The following CNTNAP2 variants were observed in gnomAD, a reference collection of about 807,000 sequenced individuals.
CNTNAP2 encodes contactin associated protein 2, also known as contactin-associated protein-like 2.
In CNTNAP2, 98 loss-of-function variants were observed where a neutral mutation model predicts 155.2. The observed-to-expected ratio is 0.63, with a 90% confidence interval of 0.54 to 0.75. The LOEUF (loss-of-function observed/expected upper bound fraction) is 0.75. Among genes scored for constraint, CNTNAP2 ranks in the 30% least tolerant of loss-of-function variants. The probability of loss-of-function intolerance (pLI) is 0.00; values close to 1 mark genes in which losing one functional copy is unlikely to be tolerated. For missense variants in CNTNAP2, 1,727 were observed against 1,688.1 expected, an observed-to-expected ratio of 1.02 and a Z score of -0.40; for synonymous variants, 651 against 631.2, an observed-to-expected ratio of 1.03 and a Z score of -0.47.
chr7:146,661,549 G>GTTTT (rs1800087987), intron 1 of CNTNAP2, among the ~76,000 whole-genome samples: 1 of 138,450 alleles, frequency 7.2e-6, no homozygotes, highest in Non-Finnish European at 1.5e-5. Flanking sequence ...TGCTATTTCT[G>GTTTT]CTTCTTTCAT....
intron 1 of CNTNAP2, among the ~76,000 whole-genome samples, chr7:146,362,448 C>T (rs560982063): frequency 4.6e-5 from 7 of 152,238 alleles, no homozygotes; most frequent in African/African-American, 1.2e-4. Context: ...TAAGAAGACA[C>T]GCTTCATCCC....
intron 22 of CNTNAP2, among the ~76,000 whole-genome samples, chr7:148,392,087 T>G (rs1440455194): frequency 6.6e-6 from 1 of 152,200 alleles, no homozygotes; most frequent in Non-Finnish European, 1.5e-5. Context: ...GTTGTTATTA[T>G]TATTTGAGAT....
chr7:146,954,064 A>G (rs1179993417), intron 3 of CNTNAP2, among the ~76,000 whole-genome samples: 1 of 151,854 alleles, frequency 6.6e-6, no homozygotes, highest in Non-Finnish European at 1.5e-5. Flanking sequence ...CTCTTATTTC[A>G]TTTGTTTTTC....
At chr7:147,721,005 A>G (rs1348048822) in intron 13 of CNTNAP2, among the ~76,000 whole-genome samples, 2 of 152,116 alleles carry the variant, frequency 1.3e-5, no homozygotes, top group Admixed American at 6.6e-5. Context: ...TAATTAATTA[A>G]CACATTAATT....
chr7:146,684,656 A>AAAAAAAAAAAAAAAC (rs1800564048), intron 1 of CNTNAP2, among the ~76,000 whole-genome samples: 1 of 151,294 alleles, frequency 6.6e-6, no homozygotes, highest in Non-Finnish European at 1.5e-5. Context: ...AAAAAAAAAA[A>AAAAAAAAAAAAAAAC]AAAGCTGGAG....
intron 12 of CNTNAP2, among the ~76,000 whole-genome samples, chr7:147,618,230 A>C (rs1370142807): frequency 6.6e-6 from 1 of 152,232 alleles, no homozygotes; most frequent in African/African-American, 2.4e-5. Context: ...TGAGACCTGC[A>C]CTAGAAAGAT....
chr7:147,090,946 A>T (rs900822110), intron 4 of CNTNAP2, among the ~76,000 whole-genome samples: 4 of 152,146 alleles, frequency 2.6e-5, no homozygotes, highest in Non-Finnish European at 5.9e-5. Flanking sequence ...GAATTCTTCC[A>T]TTTAGGATCT....
chr7:146,440,100 G>C (rs1584926572), intron 1 of CNTNAP2, among the ~76,000 whole-genome samples: 1 of 151,472 alleles, frequency 6.6e-6, no homozygotes, highest in Non-Finnish European at 1.5e-5. Flanking sequence ...CTGCCCTGTG[G>C]GCAACAGAGA....
chr7:146,493,346 A>G (rs1797167592), intron 1 of CNTNAP2, among the ~76,000 whole-genome samples: 1 of 152,176 alleles, frequency 6.6e-6, no homozygotes, highest in Non-Finnish European at 1.5e-5. Context: ...GCAGAAGGTT[A>G]ATAGTGGTGA....
At chr7:148,396,335 T>C (rs369155106) in intron 22 of CNTNAP2, among the ~76,000 whole-genome samples, 1 of 152,224 alleles carries the variant, frequency 6.6e-6, no homozygotes, top group East Asian at 1.9e-4. Context: ...TGCTTCCTAC[T>C]GTACCGCATT....
chr7:147,997,309 T>C (rs1801820690), intron 15 of CNTNAP2, among the ~76,000 whole-genome samples: 1 of 151,988 alleles, frequency 6.6e-6, no homozygotes, highest in Admixed American at 6.6e-5. Flanking sequence ...ATCCCAGCAC[T>C]TTGGGAGGCC....
rs374288778 is a variant in CNTNAP2 at position 146,338,987 on chromosome 7, A to G, written c.97+222014A>G. Among the ~76,000 whole-genome samples, 14 of 152,180 alleles carry G rather than the reference A, an allele frequency of 9.2e-5. No homozygotes were observed. The East Asian group carries it at 2.7e-3, about 29-fold the overall frequency. On this transcript the variant is annotated intron_variant, in intron 1 of 23. Transcript: ENST00000361727. ...CACCTGAGGTCAGGAGTTCAAGACC[A>G]GCGTGGCCAACATGGTGAAACCCCT...
intron 15 of CNTNAP2, among the ~76,000 whole-genome samples, chr7:148,068,620 A>G (rs936976467): frequency 6.6e-6 from 1 of 152,174 alleles, no homozygotes; most frequent in Non-Finnish European, 1.5e-5. Context: ...TCCTTTGGAG[A>G]CTTGCTTTTA....
In CNTNAP2 at chr7:146,204,648, A is replaced by T. The variant is rs189143355; in HGVS notation, c.97+87675A>T. ...TTAATGTGGTCGTGGATCATATAGT[A>T]AATACTTTTCAAATGTTTCAACCAT... is the stretch of plus-strand genomic sequence containing the variant. On this transcript the variant is annotated intron_variant, in intron 1 of 23. Transcript: ENST00000361727. Among the ~76,000 whole-genome samples the T allele has an allele frequency of 1.4e-3, 219 of 152,182 alleles. 1 individual carries two copies. The highest frequency in any genetic ancestry group is 5.0e-3 in the African/African-American group (207 of 41,556).
chr7:147,093,240 C>CAAAAAAAAAAAAAA (rs530286124), intron 4 of CNTNAP2, among the ~76,000 whole-genome samples: 2 of 54,348 alleles, frequency 3.7e-5, no homozygotes, highest in African/African-American at 5.1e-5. Context: ...GACTCCATCT[C>CAAAAAAAAAAAAAA]AAAAAAAAAA....
At chr7:147,353,081 T>TTATATA (rs139829172) in intron 9 of CNTNAP2, among the ~76,000 whole-genome samples, 10 of 139,820 alleles carry the variant, frequency 7.2e-5, no homozygotes, top group Admixed American at 3.5e-4. Context: ...GTAGAATTCT[T>TTATATA]TATATATATA....
At chr7:146,125,218 A>T (rs1263068621) in intron 1 of CNTNAP2, among the ~76,000 whole-genome samples, 2 of 152,162 alleles carry the variant, frequency 1.3e-5, no homozygotes. Flanking sequence ...TTAAGTTATG[A>T]CTAGTTAAAA....
intron 8 of CNTNAP2, among the ~76,000 whole-genome samples, chr7:147,262,329 C>G (rs1464204251): frequency 1.3e-5 from 2 of 152,112 alleles, no homozygotes; most frequent in African/African-American, 4.8e-5. Flanking sequence ...CTGTGTTCCC[C>G]CACAAATCAT....
intron 8 of CNTNAP2, among the ~76,000 whole-genome samples, chr7:147,257,875 T>C (rs1449106721): frequency 1.3e-5 from 2 of 152,164 alleles, no homozygotes; most frequent in African/African-American, 2.4e-5. Context: ...CAGAGGCAGA[T>C]GGAGAGAGGC....
Sources: allele counts gnomAD v4.1 joint callset (sites outside exome capture counted in the v4.1 genomes callset), GRCh38; gene constraint gnomAD v4.1.1; transcripts MANE v1.5; gene names NCBI Gene and HGNC (gene_info 2026-07-23, HGNC 2026-07-21).